NELL1: variants seen among roughly 807,000 people sequenced by gnomAD.
NELL1 encodes protein kinase C-binding protein NELL1.
In NELL1, 76 loss-of-function variants were observed where a neutral mutation model predicts 107.4. That is an observed-to-expected ratio of 0.71 (90% CI 0.59 to 0.86). The LOEUF (loss-of-function observed/expected upper bound fraction) is 0.86. NELL1 is among the 40% of genes least tolerant of loss of function. NELL1 has a pLI of 0.00. For missense variants in NELL1, 1,024 were observed against 1,005.5 expected (o/e 1.02, Z -0.25); for synonymous variants, 353 against 341.2 (o/e 1.03, Z -0.38).
chr11:21,133,134 C>T, intron 13 of NELL1, among the ~76,000 whole-genome samples: 1 of 152,102 alleles, frequency 6.6e-6, no homozygotes, highest in Non-Finnish European at 1.5e-5. Flanking sequence ...AAGAGAAGAC[C>T]TGTGGTGGGT....
chr11:21,141,854 C>T (rs1164354484), intron 13 of NELL1, among the ~76,000 whole-genome samples: 1 of 152,004 alleles, frequency 6.6e-6, no homozygotes, highest in African/African-American at 2.4e-5. Flanking sequence ...ACCTCCACCT[C>T]CTGGGTTCAA....
intron 12 of NELL1, among the ~76,000 whole-genome samples, chr11:20,982,693 G>A (rs917615221): frequency 2.6e-5 from 4 of 151,862 alleles, no homozygotes; most frequent in East Asian, 1.9e-4. Flanking sequence ...ATGTAGAACC[G>A]TAAGCAAAGT....
In NELL1 at chr11:21,370,942, G is replaced by T; in HGVS notation, c.1639G>T (p.Glu547Ter). ...CPSGFTGSHCEKDIDECSEGI... is the reference protein window; with the variant it reads ...CPSGFTGSHC Reference sequence around the variant, plus strand: ...ATCTGGATTCACAGGAAGCCACTGCGAGAAAGGTAATCTAGCTTGTTTTAT... The same window carrying T: ...ATCTGGATTCACAGGAAGCCACTGCTAGAAAGGTAATCTAGCTTGTTTTAT... The change falls in exon 15 of 20, where the codon GAG becomes TAG. Residue 547 changes from glutamate to a stop codon, truncating the protein, a stop_gained. Coordinates refer to ENST00000357134, the MANE Select transcript of NELL1 (RefSeq NM_006157.5). LOFTEE classifies it high-confidence loss of function. The T allele has an allele frequency of 6.2e-7, 1 of 1,609,744 alleles. No homozygotes were observed. Among genetic ancestry groups the T allele is most frequent in the East Asian group, 2.2e-5 (1 of 44,670 alleles).
At chr11:21,008,109 A>G (rs1258190009) in intron 12 of NELL1, among the ~76,000 whole-genome samples, 1 of 152,176 alleles carries the variant, frequency 6.6e-6, no homozygotes, top group Non-Finnish European at 1.5e-5. Flanking sequence ...TGGACTCGCT[A>G]GCTCTCATCT....
intron 13 of NELL1, among the ~76,000 whole-genome samples, chr11:21,130,782 G>T (rs962158516): frequency 1.3e-5 from 2 of 152,154 alleles, no homozygotes; most frequent in Non-Finnish European, 2.9e-5. Context: ...TTGTTAGTTG[G>T]CAGTATGTTC....
chr11:21,045,289 C>T (rs1048278753), intron 12 of NELL1, among the ~76,000 whole-genome samples: 95 of 151,900 alleles, frequency 6.3e-4, no homozygotes, highest in African/African-American at 3.1e-4. Context: ...TATGATAAGG[C>T]GAGGGTGTGA....
At chr11:21,253,977 G>A (rs1858706153) in intron 14 of NELL1, among the ~76,000 whole-genome samples, 1 of 152,158 alleles carries the variant, frequency 6.6e-6, no homozygotes, top group African/African-American at 2.4e-5. Flanking sequence ...GTTGACTACT[G>A]AGGGGATGCA....
intron 15 of NELL1, among the ~76,000 whole-genome samples, chr11:21,402,106 G>A (rs1945440): frequency 0.65 from 99,122 of 151,598 alleles, 32,641 homozygotes; most frequent in South Asian, 0.69. Flanking sequence ...AGGTAATTCA[G>A]CTTGCCTTCT....
At chr11:21,546,983 G>A (rs1372515302) in intron 16 of NELL1, among the ~76,000 whole-genome samples, 1 of 151,952 alleles carries the variant, frequency 6.6e-6, no homozygotes, top group Non-Finnish European at 1.5e-5. Context: ...GTTAGTTCCT[G>A]TACTAAGTCT....
At position 21,153,278 on chromosome 11, in the gene NELL1, A is replaced by C. The variant is rs117395413; in HGVS notation, c.1426+39564A>C. 4.1e-3 allele frequency among the ~76,000 whole-genome samples: 630 copies of C among 152,182 alleles called. 6 individuals are homozygous for C. The highest frequency in any genetic ancestry group is 6.4e-3 in the Non-Finnish European group (438 of 67,984). On this transcript the variant is annotated intron_variant, in intron 13 of 19. Transcript: ENST00000357134. ...ACAGGCTTTCAGAAATGAGAAGCTCAGTTTGGGGCCTTGTGTCTGAGTTAG... is the reference window on the plus strand; with the variant it reads ...ACAGGCTTTCAGAAATGAGAAGCTCCGTTTGGGGCCTTGTGTCTGAGTTAG...
chr11:20,833,350 CTTG>C (rs1185990020), intron 3 of NELL1, among the ~76,000 whole-genome samples: 1 of 152,106 alleles, frequency 6.6e-6, no homozygotes, highest in East Asian at 1.9e-4. Context: ...TGATGAGTAA[CTTG>C]TTTTCTATAA....
chr11:21,475,168 A>G (rs1000759005), intron 15 of NELL1, among the ~76,000 whole-genome samples: 1 of 152,176 alleles, frequency 6.6e-6, no homozygotes, highest in South Asian at 2.1e-4. Flanking sequence ...TTATGTTAAC[A>G]TTGGTTATAA....
At chr11:21,465,243 G>T (rs1853998427) in intron 15 of NELL1, among the ~76,000 whole-genome samples, 1 of 152,180 alleles carries the variant, frequency 6.6e-6, no homozygotes, top group South Asian at 2.1e-4. Context: ...TCAGATATTA[G>T]ACTCTTAATA....
At chr11:21,362,689 A>T (rs113112715) in intron 14 of NELL1, among the ~76,000 whole-genome samples, 1 of 147,956 alleles carries the variant, frequency 6.8e-6, no homozygotes, top group Admixed American at 6.8e-5. Context: ...GCTTGCCCTA[A>T]GATGGCCAGG....
chr11:20,847,814 G>GA, intron 4 of NELL1, 61 bp downstream of exon 4: 2 of 1,486,180 alleles, frequency 1.3e-6, no homozygotes, highest in Non-Finnish European at 9.1e-7. Context: ...TGGAAAAGGG[G>GA]AAAAAATATC....
intron 14 of NELL1, among the ~76,000 whole-genome samples, chr11:21,300,658 T>C (rs866977342): frequency 1.3e-5 from 2 of 151,944 alleles, no homozygotes; most frequent in South Asian, 2.1e-4. Flanking sequence ...GGTAGAAGCT[T>C]GGGGGAAGGT....
At chr11:20,812,224 G>C (rs1276167262) in intron 3 of NELL1, among the ~76,000 whole-genome samples, 6 of 151,984 alleles carry the variant, frequency 3.9e-5, no homozygotes, top group South Asian at 2.1e-4. Flanking sequence ...TTCTGCTCAT[G>C]TGCTGCATTA....
intron 12 of NELL1, among the ~76,000 whole-genome samples, chr11:21,099,218 C>CACACACACAA (rs1554967522): frequency 7.0e-6 from 1 of 142,928 alleles, no homozygotes; most frequent in East Asian, 2.1e-4. Flanking sequence ...CACACACACA[C>CACACACACAA]ACACACACAC....
chr11:20,710,229 A>T (rs553142412), intron 2 of NELL1, among the ~76,000 whole-genome samples: 3 of 152,210 alleles, frequency 2.0e-5, no homozygotes, highest in Non-Finnish European at 2.9e-5. Flanking sequence ...TGTCCCTTCT[A>T]TGCCAGTTTC....
Sources: gnomAD v4.1 joint callset for allele counts (sites outside exome capture counted in the v4.1 genomes callset) on GRCh38, gnomAD v4.1.1 for gene constraint, MANE v1.5 for transcripts, NCBI Gene and HGNC (gene_info 2026-07-23, HGNC 2026-07-21) for gene names.